Variants in ONECUT1 observed in about 807,000 individuals in gnomAD.
ONECUT1 encodes the protein hepatocyte nuclear factor 6.
Under a neutral mutation model 25.6 loss-of-function variants are expected in ONECUT1, and 12 were observed. The observed-to-expected ratio is 0.47, with a 90% CI of 0.30 to 0.76. The LOEUF (loss-of-function observed/expected upper bound fraction) is 0.76. Ranked by LOEUF, ONECUT1 falls within the 30% of genes least tolerant of loss-of-function variation. The pLI is 0.07. For synonymous variants in ONECUT1, 285 were observed against 270.2 expected (o/e 1.05, Z -0.54); for missense variants, 620 against 651.2 (o/e 0.95, Z 0.52).
chr15:52,766,424 TGGA>T (rs1286151913), intron 1 of ONECUT1, among the ~76,000 whole-genome samples: 4 of 152,016 alleles, frequency 2.6e-5, no homozygotes, highest in African/African-American at 9.7e-5. Context: ...ACGGGTGAAG[TGGA>T]GCTCAGAGAA....
chr15:52,788,782 G>T lies in ONECUT1; in HGVS notation c.1103C>A (p.Ala368Glu). Residue 368 changes from alanine to glutamate, a missense_variant and splice_region_variant, in exon 1 of 2, where the codon GCA becomes GAA. By Grantham distance (107) the Ala-to-Glu change is moderately radical. Transcript: ENST00000305901. This position sits in a 1 kb window ranked among gnomAD's most constrained non-coding sequence, Gnocchi z 4.3. ...GCCCAGCTCCTTGGCCGGCTCACCT[G>T]CTAAGCGGAGCGCGGACATGCGCTG... The part of the protein sequence containing the change: ...EFQRMSALRL[A>E]ACKRKEQEHG... The T allele has an allele frequency of 6.2e-7, 1 of 1,608,510 alleles. No homozygotes were observed.
Position 52,784,529 on chromosome 15 carries a change from G to A in ONECUT1, c.1105+4251C>T, listed in dbSNP as rs2083861484. ...CCAGAAGTAGGTTTCCCCTGCCCCAGCCATAGCGGTTCCAGTCGTCGCCAC... is the reference window on the plus strand; with the variant it reads ...CCAGAAGTAGGTTTCCCCTGCCCCAACCATAGCGGTTCCAGTCGTCGCCAC... On this transcript the variant is annotated intron_variant, in intron 1 of 1. Transcript: ENST00000305901. This position sits in a 1 kb window ranked among gnomAD's most constrained non-coding sequence, Gnocchi z 5.0. Among the ~76,000 whole-genome samples the A allele has an allele frequency of 6.6e-6, 1 of 152,134 alleles. No individual in the cohort carries two copies. Among genetic ancestry groups the A allele is most frequent in the Admixed American group, 6.5e-5 (1 of 15,288 alleles).
intron 1 of ONECUT1, among the ~76,000 whole-genome samples, chr15:52,772,123 G>A (rs976413561): frequency 2.0e-5 from 3 of 151,612 alleles, no homozygotes; most frequent in African/African-American, 4.9e-5. Flanking sequence ...GGCCGGGTGC[G>A]GTGGCTCACG....
In ONECUT1 at chr15:52,788,784, T is replaced by G. The variant is rs1209100639; in HGVS notation, c.1101A>C (p.Leu367Phe). ...PEFQRMSALR[L>F]AACKRKEQEH... ...CCAGCTCCTTGGCCGGCTCACCTGC[T>G]AAGCGGAGCGCGGACATGCGCTGGA... Residue 367 changes from leucine to phenylalanine, a missense_variant, in exon 1 of 2, where the codon TTA (leucine) becomes TTC (phenylalanine). Leu to Phe is a conservative substitution (Grantham distance 22). Transcript: ENST00000305901. The surrounding 1 kb of genome is among the most constrained non-coding windows in gnomAD (Gnocchi z 4.3). The G allele has an allele frequency of 6.2e-7, 1 of 1,609,234 alleles. No homozygotes were observed.
At chr15:52,774,551 C>T (rs986354424) in intron 1 of ONECUT1, among the ~76,000 whole-genome samples, 5 of 152,158 alleles carry the variant, frequency 3.3e-5, no homozygotes, top group African/African-American at 7.2e-5. Context: ...CCTCCCACCT[C>T]GCCCTCCCAA....
At chr15:52,783,884 C>G (rs546532004) in intron 1 of ONECUT1, among the ~76,000 whole-genome samples, 1 of 152,344 alleles carries the variant, frequency 6.6e-6, no homozygotes, top group African/African-American at 2.4e-5. Flanking sequence ...TTGGGTAACA[C>G]CCAGGCATTG....
At chr15:52,777,853 T>C (rs1596053870) in intron 1 of ONECUT1, among the ~76,000 whole-genome samples, 2 of 152,332 alleles carry the variant, frequency 1.3e-5, no homozygotes, top group African/African-American at 2.4e-5. Flanking sequence ...CAGCAGGTGC[T>C]CAAATGAGTG....
In ONECUT1 at chr15:52,790,023, C is replaced by T; in HGVS notation, c.-139G>A. ...CCTCTCACTGTGGGGCTCTGTCTCTCTCTCTCTCTCTCTCCGTGTGTGTGT... is the reference window on the plus strand; with the variant it reads ...CCTCTCACTGTGGGGCTCTGTCTCTTTCTCTCTCTCTCTCCGTGTGTGTGT... On this transcript the variant is annotated 5_prime_UTR_variant, in exon 1 of 2. Transcript: ENST00000305901. 4.8e-6 allele frequency: 6 copies of T among 1,258,192 alleles called. No individual in the cohort carries two copies. Among genetic ancestry groups the T allele is most frequent in the Non-Finnish European group, 6.1e-6 (6 of 977,528 alleles). The allele number at this position is 1,258,192 out of a possible 1,614,324, so 77.9% of individuals were successfully genotyped here. A position where few individuals can be genotyped will look rare whatever the true frequency, so the allele number is the denominator to read the frequency against.
chr15:52,779,693 T>A (rs62023487), intron 1 of ONECUT1, among the ~76,000 whole-genome samples: 10,763 of 152,248 alleles, frequency 0.071, 503 homozygotes, highest in South Asian at 0.11. Context: ...TTTAAAATCA[T>A]CTTCCCCTTA....
intron 1 of ONECUT1, among the ~76,000 whole-genome samples, chr15:52,764,635 A>T (rs1452532010): frequency 1.3e-5 from 2 of 152,196 alleles, no homozygotes; most frequent in Non-Finnish European, 2.9e-5. Flanking sequence ...TGTTGTCCTA[A>T]CATCATCGCA....
At chr15:52,772,328 A>T (rs2141454025) in intron 1 of ONECUT1, among the ~76,000 whole-genome samples, 1 of 149,694 alleles carries the variant, frequency 6.7e-6, no homozygotes, top group South Asian at 2.1e-4. Context: ...CGGGATGCAG[A>T]GGTTGCAGTG....
chr15:52,768,697 A>G (rs2083749098), intron 1 of ONECUT1, among the ~76,000 whole-genome samples: 1 of 152,258 alleles, frequency 6.6e-6, no homozygotes, highest in Non-Finnish European at 1.5e-5. Context: ...AATTTCTTTA[A>G]AAAACCTACA....
At position 52,789,981 on chromosome 15, in the gene ONECUT1, C is replaced by A. The variant is rs2141468704; in HGVS notation, c.-97G>T. ...GTCCGGTCTTCACATCGGCTGCTGG[C>A]GACTGTTGCCTTCCTTCCTCTCACT... is the stretch of plus-strand genomic sequence containing the variant. On this transcript the variant is annotated 5_prime_UTR_variant, in exon 1 of 2. Coordinates refer to ENST00000305901, the MANE Select transcript of ONECUT1 (RefSeq NM_004498.4). This position sits in a 1 kb window ranked among gnomAD's most constrained non-coding sequence, Gnocchi z 4.1. The A allele has an allele frequency of 7.0e-7, 1 of 1,419,214 alleles. No homozygotes were observed. Among genetic ancestry groups the A allele is most frequent in the South Asian group, 1.6e-5 (1 of 63,678 alleles). 87.9% of individuals were successfully genotyped at this position (1,419,214 alleles called of 1,614,324 possible).
chr15:52,760,038 G>A (rs187779303), intron 1 of ONECUT1, among the ~76,000 whole-genome samples: 2 of 152,290 alleles, frequency 1.3e-5, no homozygotes, highest in African/African-American at 4.8e-5. Flanking sequence ...GTAAATATAA[G>A]AGTGATAATT....
chr15:52,789,461 C>T lies in ONECUT1; in HGVS notation c.424G>A (p.Ala142Thr). Reference sequence around the variant, plus strand: ...GTGAAGCTACCGCTCACGTTGCCCGCCAGGCGCTGGTGGTGGTGCGGGTGG... The same window carrying T: ...GTGAAGCTACCGCTCACGTTGCCCGTCAGGCGCTGGTGGTGGTGCGGGTGG... ...HHHPHHHQRLAGNVSGSFTLM... is the reference protein window; with the variant it reads ...HHHPHHHQRLTGNVSGSFTLM... Residue 142 changes from alanine to threonine, a missense_variant, in exon 1 of 2, where the codon GCG becomes ACG. Ala to Thr is a moderately conservative substitution (Grantham distance 58). This residue lies in a region of ONECUT1 where 440 missense variants were observed against 404.9 expected (regional missense o/e 1.09). Coordinates refer to ENST00000305901, the MANE Select transcript of ONECUT1 (RefSeq NM_004498.4). This position sits in a 1 kb window ranked among gnomAD's most constrained non-coding sequence, Gnocchi z 4.1. 1 of 1,613,660 alleles carries T rather than the reference C, an allele frequency of 6.2e-7. No individual in the cohort carries two copies. The highest frequency in any genetic ancestry group is 8.5e-7 in the Non-Finnish European group (1 of 1,179,980).
chr15:52,783,697 A>G (rs989116364), intron 1 of ONECUT1, among the ~76,000 whole-genome samples: 2 of 152,240 alleles, frequency 1.3e-5, no homozygotes, highest in African/African-American at 4.8e-5. Flanking sequence ...TATATCCCTC[A>G]GCTCCAACCT....
Position 52,784,598 on chromosome 15 carries a change from G to A in ONECUT1, c.1105+4182C>T, listed in dbSNP as rs2083861890. On this transcript the variant is annotated intron_variant, in intron 1 of 1. Coordinates refer to ENST00000305901, the MANE Select transcript of ONECUT1 (RefSeq NM_004498.4). This position sits in a 1 kb window ranked among gnomAD's most constrained non-coding sequence, Gnocchi z 5.0. ...CAAGCGCACCTCCCTCTCCTCACCC[G>A]GGTTTATGCCCGTTACACAGAGAGA... is the stretch of plus-strand genomic sequence containing the variant. 6.6e-6 allele frequency among the ~76,000 whole-genome samples: 1 copy of A among 151,828 alleles called. No individual in the cohort carries two copies. Among genetic ancestry groups the A allele is most frequent in the Non-Finnish European group, 1.5e-5 (1 of 67,950 alleles).
chr15:52,780,778 C>A, intron 1 of ONECUT1: 1 of 1,416,038 alleles, frequency 7.1e-7, no homozygotes, highest in South Asian at 1.6e-5. Context: ...AAGCAAAAAG[C>A]ACATAGTTTA....
At position 52,763,088 on chromosome 15, in the gene ONECUT1, G is replaced by A. The variant is rs973633045; in HGVS notation, c.1106-5241C>T. Among the ~76,000 whole-genome samples, 3 of 152,162 alleles carry A rather than the reference G, an allele frequency of 2.0e-5. No homozygotes were observed. The East Asian group carries it at 5.8e-4, about 29-fold the overall frequency. Reference sequence around the variant, plus strand: ...TGTAATATTTTTATGTAGGGGTACAGTTTCCATTAAAAATAGAGAAATACT... The same window carrying A: ...TGTAATATTTTTATGTAGGGGTACAATTTCCATTAAAAATAGAGAAATACT... On this transcript the variant is annotated intron_variant, in intron 1 of 1. Coordinates refer to ENST00000305901, the MANE Select transcript of ONECUT1 (RefSeq NM_004498.4).
Sources: gnomAD v4.1 joint callset for allele counts (sites outside exome capture counted in the v4.1 genomes callset) on GRCh38, gnomAD v4.1.1 for gene constraint, gnomAD v4.1.1 regional missense constraint, Gnocchi (gnomAD v3.1) non-coding constraint, MANE v1.5 for transcripts, NCBI Gene and HGNC (gene_info 2026-07-23, HGNC 2026-07-21) for gene names.